Variants in CMIP observed in about 807,000 individuals in gnomAD.
CMIP encodes the protein c-Maf inducing protein.
A neutral mutation model predicts 97.3 loss-of-function variants in CMIP; 13 were observed. That is an observed-to-expected ratio of 0.13 (90% CI 0.09 to 0.21). CMIP has a LOEUF of 0.21. CMIP is among the 10% of genes least tolerant of loss of function. The pLI is 1.00. For synonymous variants in CMIP, 538 were observed against 436.3 expected, an observed-to-expected ratio of 1.23 and a Z score of -2.91; for missense variants, 847 against 1,024.9, an observed-to-expected ratio of 0.83 and a Z score of 2.37.
At chr16:81,459,341 C>T (rs770482358) in intron 1 of CMIP, among the ~76,000 whole-genome samples, 3 of 152,182 alleles carry the variant, frequency 2.0e-5, no homozygotes, top group Non-Finnish European at 4.4e-5. Flanking sequence ...TGGGTGTGCC[C>T]GTGGCCCTGT....
In CMIP at chr16:81,642,804, G is replaced by T. The variant is rs369516229; in HGVS notation, c.478-9399G>T. Among the ~76,000 whole-genome samples the T allele has an allele frequency of 7.2e-5, 11 of 152,262 alleles. No individual in the cohort carries two copies. In the East Asian group the frequency reaches 2.1e-3, roughly 29 times the overall value. ...CCAGCTACTCGGGAGGCGGAGGCAG[G>T]AGAATCGCTTGAACCCGGGAGGCGG... On this transcript the variant is annotated intron_variant, in intron 3 of 20. Coordinates refer to ENST00000537098, the MANE Select transcript of CMIP (RefSeq NM_198390.3).
intron 1 of CMIP, among the ~76,000 whole-genome samples, chr16:81,533,175 C>T (rs898967): frequency 0.53 from 81,180 of 152,084 alleles, 22,066 homozygotes; most frequent in African/African-American, 0.59. Flanking sequence ...ACAGACCACG[C>T]GTTTCTTACT....
chr16:81,483,780 T>C (rs1252544672), intron 1 of CMIP, among the ~76,000 whole-genome samples: 1 of 152,232 alleles, frequency 6.6e-6, no homozygotes, highest in African/African-American at 2.4e-5. Flanking sequence ...GCTATTTATA[T>C]AGCACAGTGG....
At chr16:81,454,163 T>C (rs1262834558) in intron 1 of CMIP, among the ~76,000 whole-genome samples, 2 of 152,192 alleles carry the variant, frequency 1.3e-5, no homozygotes, top group South Asian at 2.1e-4. Context: ...GCAAATCCGT[T>C]GTAAGAGATG....
chr16:81,470,572 G>A (rs1907462663), intron 1 of CMIP, among the ~76,000 whole-genome samples: 2 of 152,220 alleles, frequency 1.3e-5, no homozygotes, highest in African/African-American at 4.8e-5. Context: ...CACCACGAAG[G>A]TGGAGTCTTG....
At chr16:81,608,345 A>G (rs931401793) in intron 2 of CMIP, among the ~76,000 whole-genome samples, 3 of 152,098 alleles carry the variant, frequency 2.0e-5, no homozygotes, top group Non-Finnish European at 2.9e-5. Flanking sequence ...CATCATTAAT[A>G]TTGGGCATCT....
intron 1 of CMIP, among the ~76,000 whole-genome samples, chr16:81,606,088 G>T (rs2150939922): frequency 6.6e-6 from 1 of 152,332 alleles, no homozygotes; most frequent in South Asian, 2.1e-4. Flanking sequence ...CATCTTTATG[G>T]TAGAATTAAC....
intron 17 of CMIP, 24 bp from the exon 18 acceptor site, chr16:81,703,915 G>T (rs997997374): frequency 6.3e-7 from 1 of 1,582,998 alleles, no homozygotes; most frequent in Admixed American, 1.7e-5. Flanking sequence ...AGCACCCTCA[G>T]GCCTCTCCCC....
At position 81,500,792 on chromosome 16, in the gene CMIP, C is replaced by G. The variant is rs937487028; in HGVS notation, c.300+55251C>G. On this transcript the variant is annotated intron_variant, in intron 1 of 20. Transcript: ENST00000537098. The stretch of plus-strand genomic sequence containing the variant: ...GCATGAGCCACTGTGCCCTCCCCGG[C>G]CCACTGTTTCCTTTCCCTCCCTCTC... Among the ~76,000 whole-genome samples, 3 of 151,994 alleles carry G rather than the reference C, an allele frequency of 2.0e-5. No homozygotes were observed. The East Asian group carries it at 5.9e-4, about 30-fold the overall frequency.
chr16:81,681,947 G>T (rs567217453), intron 10 of CMIP, among the ~76,000 whole-genome samples: 1 of 151,970 alleles, frequency 6.6e-6, no homozygotes, highest in East Asian at 1.9e-4. Context: ...GGTGGCTCAC[G>T]CCTGTAATCC....
intron 1 of CMIP, among the ~76,000 whole-genome samples, chr16:81,465,705 T>C (rs536188718): frequency 6.6e-6 from 1 of 152,358 alleles, no homozygotes; most frequent in Non-Finnish European, 1.5e-5. Flanking sequence ...CCATTTCGCC[T>C]GTGGTGGTGA....
At chr16:81,682,125 C>A (rs574019285) in intron 10 of CMIP, among the ~76,000 whole-genome samples, 39 of 152,172 alleles carry the variant, frequency 2.6e-4, no homozygotes, top group African/African-American at 9.2e-4. Flanking sequence ...ATCATTTGAA[C>A]CCCGGGGGGC....
At chr16:81,645,501 T>C in intron 3 of CMIP, 1 of 1,535,682 alleles carries the variant, frequency 6.5e-7, no homozygotes, top group Non-Finnish European at 8.7e-7. Context: ...TTGTCTCCCG[T>C]GGAGGAGCAA....
chr16:81,631,738 A>G (rs2092162517), intron 3 of CMIP: 1 of 152,216 alleles, frequency 6.6e-6, no homozygotes, highest in African/African-American at 2.4e-5. Context: ...AGGTCTTTCC[A>G]GTTTGGGGCT....
intron 1 of CMIP, among the ~76,000 whole-genome samples, chr16:81,483,503 C>G (rs941585811): frequency 3.3e-5 from 5 of 152,146 alleles, no homozygotes. Context: ...CTAATACATT[C>G]AGGAAAGTGG....
intron 1 of CMIP, among the ~76,000 whole-genome samples, chr16:81,541,946 T>C (rs1261432355): frequency 1.3e-5 from 2 of 152,218 alleles, no homozygotes; most frequent in African/African-American, 4.8e-5. Flanking sequence ...TTTAATTTTC[T>C]CCTTTAATGG....
chr16:81,659,984 T>C (rs1040163158), intron 5 of CMIP, among the ~76,000 whole-genome samples: 2 of 152,246 alleles, frequency 1.3e-5, no homozygotes, highest in Non-Finnish European at 2.9e-5. Context: ...TAGTCTTCTT[T>C]GGACATGCTT....
intron 19 of CMIP, among the ~76,000 whole-genome samples, chr16:81,706,235 AC>A (rs1349274312): frequency 9.2e-5 from 14 of 152,156 alleles, no homozygotes; most frequent in Non-Finnish European, 4.4e-5. Flanking sequence ...AGACGGGAAG[AC>A]CCGTGGCTCA....
At chr16:81,656,123 C>G (rs1047257253) in intron 4 of CMIP, among the ~76,000 whole-genome samples, 1 of 152,238 alleles carries the variant, frequency 6.6e-6, no homozygotes, top group Non-Finnish European at 1.5e-5. Context: ...TATCTTGGGT[C>G]CAACCTCACC....
Sources: allele counts gnomAD v4.1 joint callset (sites outside exome capture counted in the v4.1 genomes callset), GRCh38; gene constraint gnomAD v4.1.1; transcripts MANE v1.5; gene names NCBI Gene and HGNC (gene_info 2026-07-23, HGNC 2026-07-21).